Variants in FKBP2 observed in about 807,000 individuals in gnomAD.
FKBP2 encodes the protein FKBP prolyl isomerase 2.
FKBP2 carries 15 observed loss-of-function variants against 19.4 expected under a neutral mutation model. That is an observed-to-expected ratio of 0.77 (90% confidence interval 0.52 to 1.19). The LOEUF (loss-of-function observed/expected upper bound fraction) is 1.19. Among genes scored for constraint, FKBP2 ranks in the 50% most tolerant of loss-of-function variants. FKBP2 has a pLI of 0.00. For missense variants in FKBP2, 170 were observed against 179.0 expected (o/e 0.95, Z 0.29); for synonymous variants, 76 against 74.8 (o/e 1.02, Z -0.08).
At position 64,243,218 on chromosome 11, in the gene FKBP2, CAG is replaced by C. The variant is rs753246885; in HGVS notation, c.194_195del (p.Glu65ValfsTer2). 2.5e-5 allele frequency: 41 copies of C among 1,613,576 alleles called. No individual in the cohort carries two copies. Among genetic ancestry groups the C allele is most frequent in the Non-Finnish European group, 3.4e-5 (40 of 1,179,976 alleles). ...CCACAGGGGAAGCTGGAAGATGGGA[CAG>C]AGTTTGACAGCAGCCTGCCCCAGAA... On this transcript the variant is annotated frameshift_variant, in exon 3 of 6. Transcript: ENST00000309366. LOFTEE classifies it high-confidence loss of function.
At chr11:64,243,670 A>G (rs2135017026) in intron 4 of FKBP2, 171 bp from the exon 5 acceptor site, 1 of 1,150,132 alleles carries the variant, frequency 8.7e-7, no homozygotes, top group East Asian at 2.4e-5. Flanking sequence ...TGAAGCACTC[A>G]GCTGTAGTGG....
chr11:64,243,594 A>AT, intron 4 of FKBP2, 97 bp downstream of exon 4: 1 of 1,448,634 alleles, frequency 6.9e-7, no homozygotes. Flanking sequence ...CACCGTATCC[A>AT]TTCATTACAA....
chr11:64,243,769 A>G, intron 4 of FKBP2, 72 bp from the exon 5 acceptor site: 1 of 1,587,422 alleles, frequency 6.3e-7, no homozygotes, highest in South Asian at 1.1e-5. Flanking sequence ...AGAGGGGCGG[A>G]ACACTCTCCC....
At position 64,243,270 on chromosome 11, in the gene FKBP2, C is replaced by T. The variant is rs771387648; in HGVS notation, c.243C>T (p.Gly81=). 6.2e-7 allele frequency: 1 copy of T among 1,611,390 alleles called. No individual in the cohort carries two copies. The highest frequency in any genetic ancestry group is 1.3e-5 in the African/African-American group (1 of 74,908). Residue 81 remains glycine, a synonymous_variant, in exon 3 of 6, where the codon GGC becomes GGT. Transcript: ENST00000309366. ...PQNQPFVFSL[G]TGQVIKGWDQ... is the part of the protein sequence containing the mutation. ...ACCAGCCCTTTGTCTTCTCCCTTGGCACAGGCCAGGTCATCAAGGGCTGGG... is the reference window on the plus strand; with the variant it reads ...ACCAGCCCTTTGTCTTCTCCCTTGGTACAGGCCAGGTCATCAAGGGCTGGG...
chr11:64,243,897 T>C, intron 5 of FKBP2, 21 bp downstream of exon 5: 3 of 1,613,906 alleles, frequency 1.9e-6, no homozygotes, highest in Non-Finnish European at 2.5e-6. Context: ...TTTTGATACC[T>C]CCCATCACCT....
At chr11:64,243,550 A>C in intron 4 of FKBP2, 53 bp downstream of exon 4, 2 of 1,599,888 alleles carry the variant, frequency 1.3e-6, no homozygotes, top group Non-Finnish European at 1.7e-6. Context: ...GTGACTGGGA[A>C]GGGTGAAAGC....
chr11:64,242,636 A>G (rs1286571173), intron 2 of FKBP2, 78 bp downstream of exon 2: 6 of 1,445,726 alleles, frequency 4.2e-6, no homozygotes, highest in East Asian at 2.6e-5. Flanking sequence ...CTGGTTCTCC[A>G]TAAGCCAGGT....
rs2030754574 is a variant in FKBP2, at chr11:64,244,116, A to C, written c.*87A>C. Reference sequence around the variant, plus strand: ...AACAAAAAACAAAAACAAACAAAAAAACACTTAAAAGCCCAAGGAGTAAGC... The same window carrying C: ...AACAAAAAACAAAAACAAACAAAAACACACTTAAAAGCCCAAGGAGTAAGC... On this transcript the variant is annotated 3_prime_UTR_variant, in exon 6 of 6. Transcript: ENST00000309366. The C allele has an allele frequency of 6.8e-7, 1 of 1,463,454 alleles. No homozygotes were observed. Among genetic ancestry groups the C allele is most frequent in the Non-Finnish European group, 9.4e-7 (1 of 1,062,252 alleles). The allele number at this position is 1,463,454 out of a possible 1,614,324, so 90.7% of individuals were successfully genotyped here.
chr11:64,241,972 G>C (rs1197192368), intron 1 of FKBP2: 2 of 160,554 alleles, frequency 1.2e-5, no homozygotes, highest in Non-Finnish European at 2.7e-5. Flanking sequence ...TGGTGTGCTG[G>C]ACCGGGGGCA....
At position 64,241,117 on chromosome 11, in the gene FKBP2, G is replaced by A. The variant is rs1279438269; in HGVS notation, c.-20G>A. On this transcript the variant is annotated 5_prime_UTR_variant, in exon 1 of 6. Coordinates refer to ENST00000309366, the MANE Select transcript of FKBP2 (RefSeq NM_004470.4). ...GGCAGCACCACCGGGGTTGACTCCGGGGGCGCGGCGAGGAGGTGAGCGGGG... is the reference window on the plus strand; with the variant it reads ...GGCAGCACCACCGGGGTTGACTCCGAGGGCGCGGCGAGGAGGTGAGCGGGG... 1 of 152,720 alleles carries A rather than the reference G, an allele frequency of 6.5e-6. No individual in the cohort carries two copies. The highest frequency in any genetic ancestry group is 2.4e-5 in the African/African-American group (1 of 41,464). 9.5% of individuals were successfully genotyped at this position (152,720 alleles called of 1,614,324 possible).
chr11:64,243,411 C>A (rs1324946271), intron 3 of FKBP2, 40 bp from the exon 4 acceptor site: 17 of 1,613,360 alleles, frequency 1.1e-5, no homozygotes, highest in Non-Finnish European at 1.4e-5. Flanking sequence ...AGACAAGGGC[C>A]CTGGGTGCTG....
chr11:64,243,324 G>A lies in FKBP2; in HGVS notation c.284+13G>A, dbSNP rs755711081. On this transcript the variant is annotated intron_variant, in intron 3 of 5. Coordinates refer to ENST00000309366, the MANE Select transcript of FKBP2 (RefSeq NM_004470.4). ...AGGGGCTGCTGGGGTGAGTCATGGGGGAATGGGCTTGGGAGTGGGGGCGTG... is the reference window on the plus strand; with the variant it reads ...AGGGGCTGCTGGGGTGAGTCATGGGAGAATGGGCTTGGGAGTGGGGGCGTG... 37 of 1,600,642 alleles carry A rather than the reference G, an allele frequency of 2.3e-5. No individual in the cohort carries two copies. The highest frequency in any genetic ancestry group is 3.1e-5 in the Non-Finnish European group (36 of 1,172,082).
rs1302526760 is a variant in FKBP2 at position 64,244,083 on chromosome 11, A to C, written c.*54A>C. ...CCCCCATCAGGGACCAGACTGTTCC[A>C]AAAAAAAAACAAAAAACAAAAACAA... On this transcript the variant is annotated 3_prime_UTR_variant, in exon 6 of 6. Transcript: ENST00000309366. 2 of 1,388,628 alleles carry C rather than the reference A, an allele frequency of 1.4e-6. No homozygotes were observed. The highest frequency in any genetic ancestry group is 2.0e-6 in the Non-Finnish European group (2 of 1,010,306). The allele number at this position is 1,388,628 out of a possible 1,614,324, so 86.0% of individuals were successfully genotyped here.
intron 5 of FKBP2, 36 bp from the exon 6 acceptor site, chr11:64,243,932 C>T: frequency 1.2e-6 from 2 of 1,614,022 alleles, no homozygotes; most frequent in Non-Finnish European, 1.7e-6. Flanking sequence ...TCCCTGTGGC[C>T]CTGGTTGGCA....
In FKBP2 at chr11:64,242,398, G is replaced by T; in HGVS notation, c.11G>T (p.Ser4Ile). MRL[S>I]WFRVLTVLSI... ...TGTGCCCACAGAGACATGAGGCTGA[G>T]CTGGTTCCGGGTCCTGACAGTACTG... The change falls in exon 2 of 6, where the codon AGC becomes ATC. Residue 4 changes from serine to isoleucine, a missense_variant. Physicochemically the swap from Ser to Ile is moderately radical, Grantham distance 142. Transcript: ENST00000309366. 6.5e-7 allele frequency: 1 copy of T among 1,540,938 alleles called. No homozygotes were observed.
rs2030676902 is a variant in FKBP2, at chr11:64,243,392, A to T, written c.285-59A>T. On this transcript the variant is annotated intron_variant, in intron 3 of 5. Transcript: ENST00000309366. ...AGGTAAGCTGTGGGAGGCAAGCCCCAGGGATACAAGACAAGGGCCCTGGGT... is the reference window on the plus strand; with the variant it reads ...AGGTAAGCTGTGGGAGGCAAGCCCCTGGGATACAAGACAAGGGCCCTGGGT... 8.7e-6 allele frequency: 14 copies of T among 1,610,350 alleles called. No homozygotes were observed. In the Admixed American group the frequency reaches 2.3e-4, roughly 27 times the overall value.
In FKBP2 at chr11:64,242,514, C is replaced by G. The variant is rs746460831; in HGVS notation, c.127C>G (p.Pro43Ala). The change falls in exon 2 of 6, where the codon CCC becomes GCC. Residue 43 changes from proline (P) to alanine (A), a missense_variant. Physicochemically the swap from Pro to Ala is conservative, Grantham distance 27 (BLOSUM62 -1). Coordinates refer to ENST00000309366, the MANE Select transcript of FKBP2 (RefSeq NM_004470.4). ...IGVKKRVDHC[P>A]IKSRKGDVLH... ...GGTCAAGAAGCGGGTGGACCACTGT[C>G]CCATCAAATCGCGCAAAGGGGATGT... The G allele has an allele frequency of 3.2e-6, 5 of 1,553,310 alleles. No homozygotes were observed. Among genetic ancestry groups the G allele is most frequent in the Non-Finnish European group, 4.3e-6 (5 of 1,156,138 alleles).
In FKBP2 at chr11:64,244,076, CTG is replaced by C; in HGVS notation, c.*49_*50del. 2 of 1,547,424 alleles carry C rather than the reference CTG, an allele frequency of 1.3e-6. No homozygotes were observed. Among genetic ancestry groups the C allele is most frequent in the Non-Finnish European group, 1.8e-6 (2 of 1,128,616 alleles). ...GGAGAGGCCCCCATCAGGGACCAGA[CTG>C]TTCCAAAAAAAAAACAAAAAACAAA... On this transcript the variant is annotated 3_prime_UTR_variant, in exon 6 of 6. Coordinates refer to ENST00000309366, the MANE Select transcript of FKBP2 (RefSeq NM_004470.4).
chr11:64,243,166 CT>C, intron 2 of FKBP2, 32 bp from the exon 3 acceptor site: 1 of 1,602,128 alleles, frequency 6.2e-7, no homozygotes. Context: ...GGGTGGTCCC[CT>C]CTTCCTCACT....
Sources: allele counts gnomAD v4.1 joint callset, GRCh38; gene constraint gnomAD v4.1.1; transcripts MANE v1.5; gene names NCBI Gene and HGNC (gene_info 2026-07-23, HGNC 2026-07-21).